The following FBXO25 variants were observed in gnomAD, a reference collection of about 807,000 sequenced individuals.
FBXO25 encodes the protein F-box protein 25, also known as F-box only protein 25.
In FBXO25, 45 loss-of-function variants were observed where a neutral mutation model predicts 51.9. The observed-to-expected ratio is 0.87, with a 90% CI of 0.68 to 1.11. The LOEUF (loss-of-function observed/expected upper bound fraction) is 1.11, where lower values mean the gene tolerates loss of function less well. Among genes scored for constraint, FBXO25 ranks in the 50% most tolerant of loss-of-function variants. The pLI, the probability that FBXO25 is intolerant of heterozygous loss-of-function variation, is 0.00. For synonymous variants in FBXO25, 199 were observed against 151.0 expected, an observed-to-expected ratio of 1.32 and a Z score of -2.33; for missense variants, 507 against 428.5, an observed-to-expected ratio of 1.18 and a Z score of -1.62.
chr8:463,976 G>T (rs890250453), intron 9 of FBXO25, among the ~76,000 whole-genome samples: 1 of 151,590 alleles, frequency 6.6e-6, no homozygotes, highest in African/African-American at 2.4e-5. Context: ...TTTTTTGTTT[G>T]TTTTTTTGAA....
In FBXO25 at chr8:477,646, T is replaced by C. The variant is rs918332335; in HGVS notation, c.*8842T>C. ...CAGGGCTTGGAGCAGATGGTAAAGA[T>C]TGTTGGCTTTTCCAGCCATGGGGCT... On this transcript the variant is annotated 3_prime_UTR_variant, in exon 10 of 10. Transcript: ENST00000350302. 1 of 152,354 alleles carries C rather than the reference T, an allele frequency of 6.6e-6. No individual in the cohort carries two copies. Among genetic ancestry groups the C allele is most frequent in the Middle Eastern group, 3.4e-3 (1 of 294 alleles). 9.4% of individuals were successfully genotyped at this position (152,354 alleles called of 1,614,324 possible).
Position 463,012 on chromosome 8 carries a change from T to A in FBXO25, c.849T>A (p.Cys283Ter). Residue 283 changes from cysteine (C) to a stop codon, truncating the protein, a stop_gained, in exon 9 of 10, where the codon TGT (cysteine) becomes TGA (stop). Transcript: ENST00000350302. LOFTEE classifies it high-confidence loss of function. ...ATGGAGTTTTGTTTGTTTAGTTTTGTAGACATTTGATCCTTTCAGAAAAAG... is the reference window on the plus strand; with the variant it reads ...ATGGAGTTTTGTTTGTTTAGTTTTGAAGACATTTGATCCTTTCAGAAAAAG... ...CQYHFAEKQFCRHLILSEKGH... is the reference protein window; with the variant it reads ...CQYHFAEKQF 6.2e-7 allele frequency: 1 copy of A among 1,608,272 alleles called. No individual in the cohort carries two copies. The highest frequency in any genetic ancestry group is 8.5e-7 in the Non-Finnish European group (1 of 1,178,860).
Position 468,507 on chromosome 8 carries a change from C to T in FBXO25, c.988-208C>T, listed in dbSNP as rs552290267. Among the ~76,000 whole-genome samples, 4 of 152,242 alleles carry T rather than the reference C, an allele frequency of 2.6e-5. No individual in the cohort carries two copies. In the South Asian group the frequency reaches 8.3e-4, roughly 32 times the overall value. ...CCTGGGGCCACCGTCTCCTGCCCTACCTGAGCAGGAGTTCCATGGGAAACC... is the reference window on the plus strand; with the variant it reads ...CCTGGGGCCACCGTCTCCTGCCCTATCTGAGCAGGAGTTCCATGGGAAACC... On this transcript the variant is annotated intron_variant, in intron 9 of 9. Coordinates refer to ENST00000350302, the MANE Select transcript of FBXO25 (RefSeq NM_183420.2).
At chr8:418,658 G>C (rs1796963917) in intron 2 of FBXO25, among the ~76,000 whole-genome samples, 1 of 152,092 alleles carries the variant, frequency 6.6e-6, no homozygotes, top group African/African-American at 2.4e-5. Flanking sequence ...TATTAAGTAA[G>C]AGAGCTCTTT....
intron 5 of FBXO25, among the ~76,000 whole-genome samples, chr8:443,028 G>A (rs1441771162): frequency 1.3e-5 from 2 of 152,046 alleles, no homozygotes; most frequent in African/African-American, 4.8e-5. Flanking sequence ...AGAAATGACA[G>A]TGTTGTCACC....
At chr8:441,159 A>G (rs1165485389) in intron 5 of FBXO25, among the ~76,000 whole-genome samples, 1 of 151,942 alleles carries the variant, frequency 6.6e-6, no homozygotes, top group Non-Finnish European at 1.5e-5. Flanking sequence ...TACTGGTACC[A>G]AAACAGATAT....
In FBXO25 at chr8:476,645, T is replaced by C. The variant is rs1015264003; in HGVS notation, c.*7841T>C. The C allele has an allele frequency of 6.6e-6, 1 of 152,204 alleles. No individual in the cohort carries two copies. Among genetic ancestry groups the C allele is most frequent in the African/African-American group, 2.4e-5 (1 of 41,462 alleles). The allele number at this position is 152,204 out of a possible 1,614,324, so 9.4% of individuals were successfully genotyped here. A position where few individuals can be genotyped will look rare whatever the true frequency, so the allele number is the denominator to read the frequency against. On this transcript the variant is annotated 3_prime_UTR_variant, in exon 10 of 10. Transcript: ENST00000350302. ...GTTATCCAATTCTTTGATATGTAAT[T>C]GCTCATAGTACTCTTAATCCTTTTT...
At chr8:426,925 A>G (rs12550258) in intron 2 of FBXO25, among the ~76,000 whole-genome samples, 8,017 of 133,522 alleles carry the variant, frequency 0.06, 72 homozygotes, top group Middle Eastern at 0.095. Flanking sequence ...TGTTAATGCT[A>G]AAAATAGGTT....
intron 7 of FBXO25, among the ~76,000 whole-genome samples, chr8:453,132 G>C (rs1295688513): frequency 1.3e-5 from 2 of 152,188 alleles, no homozygotes; most frequent in Non-Finnish European, 2.9e-5. Flanking sequence ...TGTTACTGTA[G>C]TGCCATTTTG....
rs1178132220 is a variant in FBXO25 at position 473,311 on chromosome 8, C to G, written c.*4507C>G. The G allele has an allele frequency of 6.6e-6, 1 of 152,280 alleles. No homozygotes were observed. The highest frequency in any genetic ancestry group is 1.5e-5 in the Non-Finnish European group (1 of 68,122). The allele number at this position is 152,280 out of a possible 1,614,324, so 9.4% of individuals were successfully genotyped here. A position where few individuals can be genotyped will look rare whatever the true frequency, so the allele number is the denominator to read the frequency against. On this transcript the variant is annotated 3_prime_UTR_variant, in exon 10 of 10. Coordinates refer to ENST00000350302, the MANE Select transcript of FBXO25 (RefSeq NM_183420.2). ...TGCATCATTGTGTGCCTAAAAAGCCCTGGCTCACAGCATGAGACAGTGTGT... is the reference window on the plus strand; with the variant it reads ...TGCATCATTGTGTGCCTAAAAAGCCGTGGCTCACAGCATGAGACAGTGTGT...
At chr8:428,422 A>C (rs565918779) in intron 2 of FBXO25, among the ~76,000 whole-genome samples, 1 of 151,988 alleles carries the variant, frequency 6.6e-6, no homozygotes, top group East Asian at 1.9e-4. Flanking sequence ...CTTTGTTTTT[A>C]ACACTTCCCG....
intron 9 of FBXO25, among the ~76,000 whole-genome samples, chr8:465,887 C>G (rs1800123781): frequency 6.6e-6 from 1 of 152,046 alleles, no homozygotes; most frequent in Non-Finnish European, 1.5e-5. Flanking sequence ...GATGATGTAG[C>G]CTTCCAAAAG....
At chr8:462,129 C>G (rs1799856239) in intron 8 of FBXO25, among the ~76,000 whole-genome samples, 1 of 152,194 alleles carries the variant, frequency 6.6e-6, no homozygotes, top group East Asian at 1.9e-4. Context: ...TGTGAGGTCT[C>G]TTGATTCTCC....
intron 2 of FBXO25, among the ~76,000 whole-genome samples, chr8:418,581 G>A (rs1010123930): frequency 6.6e-6 from 1 of 151,956 alleles, no homozygotes; most frequent in Non-Finnish European, 1.5e-5. Context: ...CTCAGGTGAT[G>A]CACCCGCCTC....
intron 9 of FBXO25, among the ~76,000 whole-genome samples, chr8:463,845 G>A (rs193021602): frequency 3.3e-5 from 5 of 152,164 alleles, no homozygotes; most frequent in East Asian, 1.9e-4. Context: ...ATAGGGTCTC[G>A]CTCTGTCACC....
At chr8:415,083 A>G (rs1301398812) in intron 2 of FBXO25, among the ~76,000 whole-genome samples, 2 of 152,240 alleles carry the variant, frequency 1.3e-5, no homozygotes, top group South Asian at 2.1e-4. Context: ...ACCATTTAAA[A>G]TCACTATATA....
chr8:468,709 C>T lies in FBXO25; in HGVS notation c.988-6C>T. The T allele has an allele frequency of 6.2e-7, 1 of 1,613,320 alleles. No individual in the cohort carries two copies. Among genetic ancestry groups the T allele is most frequent in the Non-Finnish European group, 8.5e-7 (1 of 1,179,646 alleles). On this transcript the variant is annotated splice_polypyrimidine_tract_variant and splice_region_variant and intron_variant, in intron 9 of 9. Coordinates refer to ENST00000350302, the MANE Select transcript of FBXO25 (RefSeq NM_183420.2). Reference sequence around the variant, plus strand: ...CCCCTCCTAACCATCTCCCACCTCCCCACAGGACTCAGGACACCCCTGCAC... The same window carrying T: ...CCCCTCCTAACCATCTCCCACCTCCTCACAGGACTCAGGACACCCCTGCAC...
intron 9 of FBXO25, among the ~76,000 whole-genome samples, chr8:465,975 C>G (rs947207715): frequency 6.6e-5 from 10 of 152,276 alleles, no homozygotes; most frequent in African/African-American, 2.2e-4. Context: ...GAACAAGTCT[C>G]TCCTAGGAAG....
At chr8:407,288 G>A (rs569654598) in intron 1 of FBXO25, 4 of 936,828 alleles carry the variant, frequency 4.3e-6, no homozygotes, top group Admixed American at 6.3e-5. Context: ...GGGGGCCTCG[G>A]GCGCGTCAGG....
Sources: allele counts gnomAD v4.1 joint callset (sites outside exome capture counted in the v4.1 genomes callset), GRCh38; gene constraint gnomAD v4.1.1; transcripts MANE v1.5; gene names NCBI Gene and HGNC (gene_info 2026-07-23, HGNC 2026-07-21).